Variants in RNF150 observed in about 807,000 individuals in gnomAD.
RNF150 encodes ring finger protein 150.
Under a neutral mutation model 39.3 loss-of-function variants are expected in RNF150, and 24 were observed. The observed-to-expected ratio is 0.61, with a 90% CI of 0.44 to 0.86. The LOEUF (loss-of-function observed/expected upper bound fraction) is 0.86, where lower values mean the gene tolerates loss of function less well. RNF150 is among the 40% of genes least tolerant of loss of function. RNF150 has a pLI of 0.00. For missense variants in RNF150, 502 were observed against 587.8 expected (o/e 0.85, Z 1.51); for synonymous variants, 255 against 227.3 (o/e 1.12, Z -1.10).
chr4:141,111,514 G>A (rs1739383069), intron 1 of RNF150, among the ~76,000 whole-genome samples: 2 of 141,196 alleles, frequency 1.4e-5, no homozygotes, highest in Admixed American at 1.4e-4. Flanking sequence ...ACTTGCAACT[G>A]GGGAGATCCA....
chr4:141,165,368 T>A (rs1188856238), intron 1 of RNF150, among the ~76,000 whole-genome samples: 1 of 152,156 alleles, frequency 6.6e-6, no homozygotes, highest in South Asian at 2.1e-4. Context: ...AACACCCCAC[T>A]GTCAATATTA....
At chr4:141,080,230 C>T (rs1398603210) in intron 1 of RNF150, among the ~76,000 whole-genome samples, 9 of 152,310 alleles carry the variant, frequency 5.9e-5, no homozygotes, top group African/African-American at 1.4e-4. Flanking sequence ...TCACAAAATC[C>T]CACTGCCTCT....
chr4:141,036,701 A>C (rs1445967298), intron 1 of RNF150, among the ~76,000 whole-genome samples: 1 of 152,190 alleles, frequency 6.6e-6, no homozygotes, highest in Non-Finnish European at 1.5e-5. Flanking sequence ...AATAGACTAG[A>C]CTATAGATTA....
At chr4:141,005,593 T>C (rs928685982) in intron 1 of RNF150, among the ~76,000 whole-genome samples, 1 of 152,168 alleles carries the variant, frequency 6.6e-6, no homozygotes, top group East Asian at 1.9e-4. Flanking sequence ...GTCTATGCAC[T>C]GCACAAGTAC....
At chr4:140,907,991 T>C (rs1730454443) in intron 6 of RNF150, among the ~76,000 whole-genome samples, 1 of 152,188 alleles carries the variant, frequency 6.6e-6, no homozygotes, top group Non-Finnish European at 1.5e-5. Flanking sequence ...CCTGGGTCTG[T>C]GGAGATGTGA....
intron 1 of RNF150, among the ~76,000 whole-genome samples, chr4:141,168,710 C>T (rs542441656): frequency 4.3e-4 from 65 of 152,132 alleles, no homozygotes; most frequent in Non-Finnish European, 7.2e-4. Context: ...AACCAAACAC[C>T]GCATGTTCTC....
At chr4:141,007,230 GA>G (rs1282629323) in intron 1 of RNF150, among the ~76,000 whole-genome samples, 6 of 152,304 alleles carry the variant, frequency 3.9e-5, no homozygotes, top group African/African-American at 1.4e-4. Flanking sequence ...CAATATAATA[GA>G]GATTTATTGA....
chr4:140,884,833 T>C (rs6819107), intron 6 of RNF150, among the ~76,000 whole-genome samples: 25,315 of 152,046 alleles, frequency 0.17, 2,496 homozygotes, highest in East Asian at 0.38. Context: ...CTTTCTCTGC[T>C]TGAGAAGAAC....
At chr4:141,160,500 A>C (rs1475082810) in intron 1 of RNF150, among the ~76,000 whole-genome samples, 1 of 152,238 alleles carries the variant, frequency 6.6e-6, no homozygotes, top group Non-Finnish European at 1.5e-5. Context: ...AACTCATAGA[A>C]AAACATAAAA....
intron 1 of RNF150, among the ~76,000 whole-genome samples, chr4:141,035,838 C>G (rs1049690043): frequency 1.3e-5 from 2 of 152,126 alleles, no homozygotes. Flanking sequence ...ATATTGGTTA[C>G]TATGTAAAAC....
intron 1 of RNF150, among the ~76,000 whole-genome samples, chr4:141,103,149 T>C (rs1739074207): frequency 6.6e-6 from 1 of 152,202 alleles, no homozygotes; most frequent in African/African-American, 2.4e-5. Context: ...ATTTGCTAAG[T>C]CACATGAGAG....
chr4:140,992,505 G>A (rs1304625710), intron 1 of RNF150, among the ~76,000 whole-genome samples: 1 of 152,162 alleles, frequency 6.6e-6, no homozygotes, highest in Non-Finnish European at 1.5e-5. Flanking sequence ...AAAGGAGGTG[G>A]CCACACAGTC....
At chr4:140,999,969 GAAGAAGAAAAGAAGAAAAGAAGAA>G (rs71985732) in intron 1 of RNF150, among the ~76,000 whole-genome samples, 1 of 31,048 alleles carries the variant, frequency 3.2e-5, no homozygotes, top group East Asian at 8.1e-4. Flanking sequence ...AGAAGAAGAA[GAAGAAGAAAAGAAGAAAAGAAGAA>G]AAGAAGAAGA....
intron 1 of RNF150, among the ~76,000 whole-genome samples, chr4:140,999,950 A>C (rs1454749701): frequency 2.6e-5 from 1 of 38,396 alleles, no homozygotes; most frequent in Admixed American, 4.6e-4. Flanking sequence ...AAAAAGAAGA[A>C]GAAGAAGAAG....
At chr4:141,122,852 T>C (rs1215596409) in intron 1 of RNF150, among the ~76,000 whole-genome samples, 1 of 152,262 alleles carries the variant, frequency 6.6e-6, no homozygotes. Flanking sequence ...ATAGCATATG[T>C]ATTTCATTTA....
intron 4 of RNF150, chr4:140,944,600 A>T (rs901465697): frequency 6.6e-5 from 10 of 152,256 alleles, no homozygotes; most frequent in Non-Finnish European, 4.4e-5. Context: ...AGAAAGAGAC[A>T]AGCGATAAAA....
intron 4 of RNF150, chr4:140,944,805 G>C (rs1732221211): frequency 6.6e-6 from 1 of 152,150 alleles, no homozygotes; most frequent in Non-Finnish European, 1.5e-5. Flanking sequence ...CTGTGGATGA[G>C]TCAGCCTGGA....
chr4:141,149,405 A>G (rs543444691), intron 1 of RNF150, among the ~76,000 whole-genome samples: 1 of 152,192 alleles, frequency 6.6e-6, no homozygotes, highest in East Asian at 1.9e-4. Flanking sequence ...CTTTCCCCAG[A>G]GTCCCCAAAG....
intron 1 of RNF150, among the ~76,000 whole-genome samples, chr4:141,061,350 T>C (rs1737219791): frequency 1.3e-5 from 2 of 152,152 alleles, no homozygotes; most frequent in South Asian, 2.1e-4. Flanking sequence ...TGTTCACACA[T>C]TGGAGATAAA....
Sources: allele counts gnomAD v4.1 joint callset (sites outside exome capture counted in the v4.1 genomes callset), GRCh38; gene constraint gnomAD v4.1.1; transcripts MANE v1.5; gene names NCBI Gene and HGNC (gene_info 2026-07-23, HGNC 2026-07-21).